Variants in USP28 observed in about 807,000 individuals in gnomAD.
USP28 encodes the protein ubiquitin carboxyl-terminal hydrolase 28.
A neutral mutation model predicts 145.0 loss-of-function variants in USP28; 113 were observed. That is an observed-to-expected ratio of 0.78 (90% CI 0.67 to 0.91). USP28 has a LOEUF of 0.91. Ranked by LOEUF, USP28 falls within the 40% of genes least tolerant of loss-of-function variation. The pLI is 0.00. For synonymous variants in USP28, 447 were observed against 450.9 expected, an observed-to-expected ratio of 0.99 and a Z score of 0.11; for missense variants, 1,201 against 1,289.6, an observed-to-expected ratio of 0.93 and a Z score of 1.05.
intron 1 of USP28, among the ~76,000 whole-genome samples, chr11:113,860,714 G>A (rs1005613251): frequency 6.6e-6 from 1 of 151,972 alleles, no homozygotes; most frequent in African/African-American, 2.4e-5. Flanking sequence ...AGCTACTCGG[G>A]AGGCTGAGGC....
exon 25 of USP28, chr11:113,798,915 G>C (rs989007997): frequency 3.5e-5 from 6 of 169,358 alleles, no homozygotes; most frequent in Non-Finnish European, 6.3e-5. Context: ...AAATATTTAT[G>C]CCTGAAGGAT....
chr11:113,798,221 C>T (rs1230697198), exon 25 of USP28: 8 of 151,980 alleles, frequency 5.3e-5, no homozygotes, highest in Admixed American at 2.0e-4. Flanking sequence ...TAGAGATCAG[C>T]CTGGCCAATA....
intron 12 of USP28, chr11:113,821,471 TG>T: frequency 4.5e-6 from 1 of 220,062 alleles, no homozygotes. Flanking sequence ...GGATTTGTTC[TG>T]GAGGCCTTTC....
intron 13 of USP28, among the ~76,000 whole-genome samples, chr11:113,817,059 G>A (rs1265269266): frequency 6.6e-6 from 1 of 152,012 alleles, no homozygotes; most frequent in Non-Finnish European, 1.5e-5. Flanking sequence ...GTTTTTATTA[G>A]CCAGGTAACA....
At chr11:113,815,913 G>A (rs1244659768) in intron 13 of USP28, among the ~76,000 whole-genome samples, 1 of 152,178 alleles carries the variant, frequency 6.6e-6, no homozygotes, top group Non-Finnish European at 1.5e-5. Flanking sequence ...CACACTAGGT[G>A]ACACCTTGGA....
intron 7 of USP28, among the ~76,000 whole-genome samples, chr11:113,832,492 C>T (rs1174134912): frequency 6.6e-6 from 1 of 152,110 alleles, no homozygotes; most frequent in Non-Finnish European, 1.5e-5. Context: ...AAAGAAGGTG[C>T]ATTAAGCAAC....
chr11:113,814,935 C>T, intron 14 of USP28, among the ~76,000 whole-genome samples: 1 of 151,788 alleles, frequency 6.6e-6, no homozygotes, highest in Non-Finnish European at 1.5e-5. Context: ...GCCTATAATC[C>T]CAGCTACTTG....
chr11:113,801,532 A>G lies in USP28; in HGVS notation c.3009T>C (p.Ile1003=), dbSNP rs1242801992. The G allele has an allele frequency of 1.9e-6, 3 of 1,607,496 alleles. No individual in the cohort carries two copies. The African/African-American group carries it at 4.0e-5, about 21-fold the overall frequency. The change falls in exon 24 of 25, where the codon ATT becomes ATC. Residue 1003 remains isoleucine (I), a synonymous_variant. Transcript: ENST00000003302. Reference sequence around the variant, plus strand: ...AGCACCAATGGTTTCTCATGACCTCAATGGCATCCAGATCATCCTTGGAAA... The same window carrying G: ...AGCACCAATGGTTTCTCATGACCTCGATGGCATCCAGATCATCCTTGGAAA...
At chr11:113,867,924 C>G (rs141701780) in intron 1 of USP28, among the ~76,000 whole-genome samples, 16 of 152,206 alleles carry the variant, frequency 1.1e-4, no homozygotes, top group Admixed American at 2.6e-4. Flanking sequence ...TTTAGAAAAT[C>G]TTCTTAGGGT....
At chr11:113,812,808 T>C (rs1565351595) in intron 15 of USP28, among the ~76,000 whole-genome samples, 3 of 152,246 alleles carry the variant, frequency 2.0e-5, no homozygotes, top group Non-Finnish European at 4.4e-5. Context: ...TTCAAAACTC[T>C]GTTTATCTAA....
At chr11:113,835,583 G>A (rs1222495531) in intron 5 of USP28, among the ~76,000 whole-genome samples, 1 of 152,168 alleles carries the variant, frequency 6.6e-6, no homozygotes, top group Non-Finnish European at 1.5e-5. Context: ...CTGGGACCAG[G>A]GCTTGGCTGG....
In USP28 at chr11:113,854,241, G is replaced by A. The variant is rs577518368; in HGVS notation, c.135+17C>T. The A allele has an allele frequency of 1.3e-4, 202 of 1,606,776 alleles. 5 individuals carry two copies. The South Asian group carries it at 1.9e-3, about 15-fold the overall frequency. On this transcript the variant is annotated intron_variant, in intron 2 of 24. Coordinates refer to ENST00000003302, the Ensembl canonical transcript of USP28. ...CTGCTTTAAAGCCTCCTGACTAACA[G>A]AGATCTGGAAACCAACCTTCAGAGC...
exon 24 of USP28, chr11:113,801,539 T>C (rs1435554177): frequency 3.7e-6 from 6 of 1,608,596 alleles, no homozygotes; most frequent in Non-Finnish European, 5.1e-6. Context: ...CTCAATGGCA[T>C]CCAGATCATC....
At chr11:113,823,154 G>A (rs970114237) in intron 12 of USP28, among the ~76,000 whole-genome samples, 1 of 152,228 alleles carries the variant, frequency 6.6e-6, no homozygotes, top group African/African-American at 2.4e-5. Flanking sequence ...AAAGAACTTT[G>A]TATGCATCAG....
intron 5 of USP28, among the ~76,000 whole-genome samples, chr11:113,838,145 C>G (rs865926734): frequency 2.3e-4 from 35 of 152,330 alleles, no homozygotes; most frequent in African/African-American, 8.4e-4. Flanking sequence ...GTCCCAGAAG[C>G]CTTACTCAGC....
intron 1 of USP28, among the ~76,000 whole-genome samples, chr11:113,856,431 T>C (rs1347512745): frequency 6.6e-6 from 1 of 152,180 alleles, no homozygotes; most frequent in African/African-American, 2.4e-5. Context: ...TAAAAAGTAA[T>C]AGCTAACATA....
At chr11:113,842,840 G>C (rs1052300129) in intron 3 of USP28, among the ~76,000 whole-genome samples, 1 of 151,680 alleles carries the variant, frequency 6.6e-6, no homozygotes, top group East Asian at 1.9e-4. Flanking sequence ...TATACTTAAC[G>C]GAGAAACGTT....
intron 15 of USP28, among the ~76,000 whole-genome samples, chr11:113,813,496 A>T (rs184367665): frequency 1.3e-4 from 20 of 152,320 alleles, no homozygotes; most frequent in African/African-American, 4.1e-4. Context: ...GCTTGAACGC[A>T]TGTTGTTAAA....
At chr11:113,808,010 C>A (rs895231556) in intron 18 of USP28, 10 of 1,220,964 alleles carry the variant, frequency 8.2e-6, no homozygotes, top group African/African-American at 1.5e-5. Context: ...CTGGGAATCT[C>A]GACTTCAGAG....
Sources: allele counts gnomAD v4.1 joint callset (sites outside exome capture counted in the v4.1 genomes callset), GRCh38; gene constraint gnomAD v4.1.1; transcripts MANE v1.5; gene names NCBI Gene and HGNC (gene_info 2026-07-23, HGNC 2026-07-21).